The following KCNT1 variants were observed in gnomAD, a reference collection of about 807,000 sequenced individuals.
The protein encoded by KCNT1 is potassium channel subfamily T member 1.
In KCNT1, 78 loss-of-function variants were observed where a neutral mutation model predicts 147.8. That is an observed-to-expected ratio of 0.53 (90% CI 0.44 to 0.64). The LOEUF (loss-of-function observed/expected upper bound fraction) is 0.64, where lower values mean the gene tolerates loss of function less well. Among genes scored for constraint, KCNT1 ranks in the 30% least tolerant of loss-of-function variants. The probability of loss-of-function intolerance (pLI) is 0.00; values close to 1 mark genes in which losing one functional copy is unlikely to be tolerated. For missense variants in KCNT1, 1,419 were observed against 1,750.3 expected, an observed-to-expected ratio of 0.81 and a Z score of 3.38; for synonymous variants, 867 against 748.8, an observed-to-expected ratio of 1.16 and a Z score of -2.58.
At chr9:135,726,211 A>AG (rs1334281650) in intron 2 of KCNT1, among the ~76,000 whole-genome samples, 1 of 152,022 alleles carries the variant, frequency 6.6e-6, no homozygotes, top group African/African-American at 2.4e-5. Context: ...GGGGCAGCTG[A>AG]GGGCCTGCGG....
In KCNT1 at chr9:135,730,075, T is replaced by G. The variant is rs1287767488; in HGVS notation, c.254+15355T>G. ...GCGTTACCCACATTCTCCTCTGCAC[T>G]GTGCTGATCCTTCATCCATGGGAGC... is the stretch of plus-strand genomic sequence containing the variant. On this transcript the variant is annotated intron_variant, in intron 2 of 30. Coordinates refer to ENST00000371757, the MANE Select transcript of KCNT1 (RefSeq NM_020822.3). The surrounding 1 kb of genome is among the most constrained non-coding windows in gnomAD (Gnocchi z 4.7). Among the ~76,000 whole-genome samples the G allele has an allele frequency of 6.6e-6, 1 of 152,248 alleles. No individual in the cohort carries two copies. The highest frequency in any genetic ancestry group is 2.4e-5 in the African/African-American group (1 of 41,464).
At chr9:135,728,451 C>A (rs192353949) in intron 2 of KCNT1, among the ~76,000 whole-genome samples, 3 of 152,234 alleles carry the variant, frequency 2.0e-5, no homozygotes, top group Non-Finnish European at 2.9e-5. Flanking sequence ...ACCCCCACAG[C>A]CTCACTGCGG....
At chr9:135,780,763 C>T (rs557395177) in intron 24 of KCNT1, among the ~76,000 whole-genome samples, 4 of 152,208 alleles carry the variant, frequency 2.6e-5, no homozygotes, top group Middle Eastern at 3.2e-3. Flanking sequence ...TGCTCTGCAG[C>T]TGGAACCACG....
chr9:135,705,557 A>G (rs73667691), intron 1 of KCNT1, among the ~76,000 whole-genome samples: 2,859 of 152,308 alleles, frequency 0.019, 104 homozygotes, highest in East Asian at 0.14. Flanking sequence ...GGGGAAAGGC[A>G]GGCTGGGCTC....
chr9:135,758,332 C>A, intron 9 of KCNT1, 82 bp from the exon 10 acceptor site: 1 of 1,101,730 alleles, frequency 9.1e-7, no homozygotes, highest in Non-Finnish European at 1.4e-6. Flanking sequence ...GTCTGCTTTC[C>A]ACTGTCCTTC....
chr9:135,756,828 C>T, intron 6 of KCNT1, 45 bp from the exon 7 acceptor site: 1 of 1,562,666 alleles, frequency 6.4e-7, no homozygotes, highest in Non-Finnish European at 8.8e-7. Flanking sequence ...GCCCCAGCCC[C>T]AGCCCCGGCC....
intron 2 of KCNT1, among the ~76,000 whole-genome samples, chr9:135,725,188 CGG>C (rs59794363): frequency 1.3e-5 from 2 of 152,146 alleles, no homozygotes; most frequent in Non-Finnish European, 2.9e-5. Flanking sequence ...ACACAGCTGC[CGG>C]GGGGGACCTC....
At chr9:135,784,361 G>A (rs1406742488) in intron 25 of KCNT1, among the ~76,000 whole-genome samples, 174 bp from the exon 26 acceptor site, 1 of 152,174 alleles carries the variant, frequency 6.6e-6, no homozygotes. Context: ...CTCTGCCTGT[G>A]GGTCATGTGG....
intron 1 of KCNT1, among the ~76,000 whole-genome samples, chr9:135,703,602 G>A (rs773672866): frequency 3.0e-4 from 46 of 152,268 alleles, no homozygotes; most frequent in African/African-American, 9.9e-4. Flanking sequence ...GGGACTATCC[G>A]GGGGATGCCT....
At chr9:135,742,574 C>T (rs924576584) in intron 2 of KCNT1, among the ~76,000 whole-genome samples, 2 of 151,484 alleles carry the variant, frequency 1.3e-5, no homozygotes, top group South Asian at 2.1e-4. Context: ...CCACAGGCAC[C>T]TCTCCCGTGC....
chr9:135,729,216 C>T (rs748331678), intron 2 of KCNT1, among the ~76,000 whole-genome samples: 7 of 152,196 alleles, frequency 4.6e-5, no homozygotes, highest in African/African-American at 7.2e-5. Context: ...CTGAAAGCAG[C>T]GTTTCCTCTG....
intron 2 of KCNT1, among the ~76,000 whole-genome samples, chr9:135,735,282 G>A (rs891314563): frequency 7.2e-5 from 11 of 152,224 alleles, no homozygotes; most frequent in Non-Finnish European, 1.3e-4. Flanking sequence ...GGGAGCGCCA[G>A]TGAGTTGGTC....
chr9:135,707,162 C>A (rs573501435), intron 1 of KCNT1, among the ~76,000 whole-genome samples: 1 of 152,054 alleles, frequency 6.6e-6, no homozygotes, highest in Admixed American at 6.6e-5. Context: ...AGATAAGGCC[C>A]GGTGCACCCC....
rs766746716 is a variant in KCNT1, at chr9:135,772,824, G to A, written c.2118G>A (p.Arg706=). The A allele has an allele frequency of 6.8e-5, 103 of 1,524,564 alleles. No individual in the cohort carries two copies. In the South Asian group the frequency reaches 1.2e-3, roughly 17 times the overall value. The allele number at this position is 1,524,564 out of a possible 1,614,324, so 94.4% of individuals were successfully genotyped here. A position where few individuals can be genotyped will look rare whatever the true frequency, so the allele number is the denominator to read the frequency against. ...ALPTENGSGS[R]RPSIAPVLEL... Reference sequence around the variant, plus strand: ...CCACGGAGAACGGCTCGGGCAGCCGGCGGCCCAGCATCGCGCCCGTCCTGG... The same window carrying A: ...CCACGGAGAACGGCTCGGGCAGCCGACGGCCCAGCATCGCGCCCGTCCTGG... The change falls in exon 19 of 31, where the codon CGG becomes CGA. Residue 706 remains arginine, a synonymous_variant. Transcript: ENST00000371757.
In KCNT1 at chr9:135,751,106, G is replaced by A. The variant is rs867480898; in HGVS notation, c.434+65G>A. ...CAGGGCTGAGCCTTCCCACTGGGCC[G>A]TTACAGAAGCTGATGGCGTCCCTGG... On this transcript the variant is annotated intron_variant, in intron 4 of 30. Coordinates refer to ENST00000371757, the MANE Select transcript of KCNT1 (RefSeq NM_020822.3). 1.2e-4 allele frequency: 175 copies of A among 1,450,098 alleles called. No individual in the cohort carries two copies. In the Middle Eastern group the frequency reaches 1.4e-3, roughly 12 times the overall value. The allele number at this position is 1,450,098 out of a possible 1,614,324, so 89.8% of individuals were successfully genotyped here.
chr9:135,778,079 C>T (rs1470565821), intron 21 of KCNT1, among the ~76,000 whole-genome samples: 1 of 152,148 alleles, frequency 6.6e-6, no homozygotes, highest in Non-Finnish European at 1.5e-5. Context: ...TCCTGTTTGC[C>T]TCCTGCTCCA....
At chr9:135,766,422 G>A (rs555862140) in intron 13 of KCNT1, among the ~76,000 whole-genome samples, 1 of 152,208 alleles carries the variant, frequency 6.6e-6, no homozygotes, top group African/African-American at 2.4e-5. Flanking sequence ...ACCATCTAGG[G>A]TGGACCATCT....
chr9:135,736,776 C>T (rs977597648), intron 2 of KCNT1: 34 of 378,068 alleles, frequency 9.0e-5, no homozygotes, highest in Middle Eastern at 1.4e-3. Flanking sequence ...TGGGCAGCGA[C>T]GTGGGCCAGA....
At chr9:135,726,145 G>A (rs1199383710) in intron 2 of KCNT1, among the ~76,000 whole-genome samples, 1 of 152,168 alleles carries the variant, frequency 6.6e-6, no homozygotes, top group Non-Finnish European at 1.5e-5. Flanking sequence ...AGGGGGATGA[G>A]GGGAGGGGAC....
Sources: allele counts gnomAD v4.1 joint callset (sites outside exome capture counted in the v4.1 genomes callset), GRCh38; gene constraint gnomAD v4.1.1; non-coding constraint Gnocchi (gnomAD v3.1); transcripts MANE v1.5; gene names NCBI Gene and HGNC (gene_info 2026-07-23, HGNC 2026-07-21).